The following PHACTR2 variants were observed in gnomAD, a reference collection of about 807,000 sequenced individuals.
PHACTR2 encodes the protein phosphatase and actin regulator 2.
PHACTR2 carries 30 observed loss-of-function variants against 76.0 expected under a neutral mutation model. The observed-to-expected ratio is 0.39, with a 90% CI of 0.30 to 0.54. The LOEUF (loss-of-function observed/expected upper bound fraction) is 0.54. Among genes scored for constraint, PHACTR2 ranks in the 20% least tolerant of loss-of-function variants. The pLI, the probability that PHACTR2 is intolerant of heterozygous loss-of-function variation, is 0.61. For synonymous variants in PHACTR2, 292 were observed against 292.5 expected, an observed-to-expected ratio of 1.00 and a Z score of 0.02; for missense variants, 696 against 781.1, an observed-to-expected ratio of 0.89 and a Z score of 1.30.
At position 143,777,343 on chromosome 6, in the gene PHACTR2, G is replaced by A. The variant is rs1025343169; in HGVS notation, c.1605G>A (p.Arg535=). Residue 535 remains arginine (R), a synonymous_variant, in exon 9 of 13, where the codon AGG becomes AGA. Coordinates refer to ENST00000440869, the MANE Select transcript of PHACTR2 (RefSeq NM_001100164.2). This position sits in a 1 kb window ranked among gnomAD's most constrained non-coding sequence, Gnocchi z 4.6. The part of the protein sequence containing the change: ...GTKLVRRLSQ[R]PTTEELEQRN... ...GTCATCATAGGAGGCTGAGCCAGAG[G>A]CCCACAACTGAAGAATTAGAGCAAA... The A allele has an allele frequency of 1.9e-6, 3 of 1,600,226 alleles. No homozygotes were observed. Among genetic ancestry groups the A allele is most frequent in the Admixed American group, 3.4e-5 (2 of 59,512 alleles).
chr6:143,603,145 CAAA>C (rs751947717), intron 1 of PHACTR2, among the ~76,000 whole-genome samples: 9 of 78,816 alleles, frequency 1.1e-4, no homozygotes, highest in African/African-American at 1.5e-4. Flanking sequence ...GACTCTGTCT[CAAA>C]AAAAAAAAAA....
intron 2 of PHACTR2, among the ~76,000 whole-genome samples, chr6:143,741,177 G>A (rs112630313): frequency 7.3e-6 from 1 of 137,210 alleles, no homozygotes; most frequent in Non-Finnish European, 1.6e-5. Context: ...AGGAGTTCAA[G>A]ACCAGCCTGG....
intron 1 of PHACTR2, among the ~76,000 whole-genome samples, chr6:143,545,927 G>A (rs749752897): frequency 1.1e-4 from 17 of 152,152 alleles, no homozygotes; most frequent in Non-Finnish European, 1.9e-4. Context: ...ACTCGTGATG[G>A]AGTGTTCTGC....
At chr6:143,766,331 T>A (rs1278641960) in intron 6 of PHACTR2, among the ~76,000 whole-genome samples, 1 of 152,242 alleles carries the variant, frequency 6.6e-6, no homozygotes, top group African/African-American at 2.4e-5. Context: ...AATTGGTTAT[T>A]GTGTCTACTA....
rs985168929 is a variant in PHACTR2 at position 143,608,758 on chromosome 6, G to A, written c.13+436G>A. Among the ~76,000 whole-genome samples the A allele has an allele frequency of 5.9e-5, 9 of 152,204 alleles. No individual in the cohort carries two copies. The highest frequency in any genetic ancestry group is 1.9e-4 in the African/African-American group (8 of 41,444). The stretch of plus-strand genomic sequence containing the variant: ...CAGCATAAGAGCTCTTTGGTCTGAT[G>A]CTTTCATCTTCACGTTAGGATGCAA... On this transcript the variant is annotated intron_variant, in intron 1 of 11. Coordinates refer to the PHACTR2 transcript ENST00000305766. The surrounding 1 kb of genome is among the most constrained non-coding windows in gnomAD (Gnocchi z 4.6).
At position 143,596,121 on chromosome 6, in the gene PHACTR2, A is replaced by G. The variant is rs1308888047; in HGVS notation, c.217+58914A>G. On this transcript the variant is annotated intron_variant, in intron 1 of 11. Coordinates refer to the PHACTR2 transcript ENST00000367584. The surrounding 1 kb of genome is among the most constrained non-coding windows in gnomAD (Gnocchi z 4.6). ...CTTATTAAGTAATTTAACTATCTCA[A>G]ATGAATTACAGATATTTTATAGCAC... Among the ~76,000 whole-genome samples, 1 of 152,246 alleles carries G rather than the reference A, an allele frequency of 6.6e-6. No individual in the cohort carries two copies. Among genetic ancestry groups the G allele is most frequent in the Non-Finnish European group, 1.5e-5 (1 of 68,046 alleles).
Position 143,738,076 on chromosome 6 carries a change from A to G in PHACTR2, c.215-10909A>G, listed in dbSNP as rs879612245. 2.6e-5 allele frequency among the ~76,000 whole-genome samples: 4 copies of G among 152,202 alleles called. No individual in the cohort carries two copies. Among genetic ancestry groups the G allele is most frequent in the African/African-American group, 4.8e-5 (2 of 41,454 alleles). ...CTGAGTTGGTGTTGTTTTAATATGT[A>G]TTGTTCATGGCTCAACTCAATAAAA... On this transcript the variant is annotated intron_variant, in intron 2 of 12. Coordinates refer to ENST00000440869, the MANE Select transcript of PHACTR2 (RefSeq NM_001100164.2). The surrounding 1 kb of genome is among the most constrained non-coding windows in gnomAD (Gnocchi z 4.0).
At position 143,557,671 on chromosome 6, in the gene PHACTR2, G is replaced by A. The variant is rs1205360830; in HGVS notation, c.217+20464G>A. 6.6e-6 allele frequency: 1 copy of A among 152,190 alleles called. No homozygotes were observed. Among genetic ancestry groups the A allele is most frequent in the East Asian group, 1.9e-4 (1 of 5,196 alleles). The allele number at this position is 152,190 out of a possible 1,614,324, so 9.4% of individuals were successfully genotyped here. A position where few individuals can be genotyped will look rare whatever the true frequency, so the allele number is the denominator to read the frequency against. On this transcript the variant is annotated intron_variant, in intron 1 of 11. Coordinates refer to the PHACTR2 transcript ENST00000367584. This position sits in a 1 kb window ranked among gnomAD's most constrained non-coding sequence, Gnocchi z 5.5. Reference sequence around the variant, plus strand: ...CCTTGGCTGACTTCTTTCTCCGTAAGGTCTTGTCGCGAGTCCTAGAGGCAA... The same window carrying A: ...CCTTGGCTGACTTCTTTCTCCGTAAAGTCTTGTCGCGAGTCCTAGAGGCAA...
chr6:143,819,938 C>A lies in PHACTR2; in HGVS notation c.1923-3736C>A, dbSNP rs1031438860. Among the ~76,000 whole-genome samples, 10 of 152,166 alleles carry A rather than the reference C, an allele frequency of 6.6e-5. No homozygotes were observed. Among genetic ancestry groups the A allele is most frequent in the Admixed American group, 1.3e-4 (2 of 15,270 alleles). On this transcript the variant is annotated intron_variant, in intron 12 of 12. Coordinates refer to ENST00000440869, the MANE Select transcript of PHACTR2 (RefSeq NM_001100164.2). The surrounding 1 kb of genome is among the most constrained non-coding windows in gnomAD (Gnocchi z 5.0). ...TCTGCAGGCTGTACAGGAAGCATAG[C>A]AGCATCTGCTTCTGGGGAGGCCTCA...
At position 143,695,881 on chromosome 6, in the gene PHACTR2, C is replaced by T. The variant is rs181150934; in HGVS notation, c.47-16135C>T. ...AGCAGCCGTAGCAACACATCTTATACGGTGCAGGATTTTTAAAAACCAAAA... is the reference window on the plus strand; with the variant it reads ...AGCAGCCGTAGCAACACATCTTATATGGTGCAGGATTTTTAAAAACCAAAA... On this transcript the variant is annotated intron_variant, in intron 1 of 12. Transcript: ENST00000440869. The surrounding 1 kb of genome is among the most constrained non-coding windows in gnomAD (Gnocchi z 4.4). Among the ~76,000 whole-genome samples, 28 of 152,294 alleles carry T rather than the reference C, an allele frequency of 1.8e-4. No homozygotes were observed. In the East Asian group the frequency reaches 2.1e-3, roughly 12 times the overall value.
rs983224409 is a variant in PHACTR2, at chr6:143,742,115, A to C, written c.215-6870A>C. On this transcript the variant is annotated intron_variant, in intron 2 of 12. Transcript: ENST00000440869. This position sits in a 1 kb window ranked among gnomAD's most constrained non-coding sequence, Gnocchi z 4.5. ...AGTGAAACTCCATCTCAAAAAAAAA[A>C]AACAACAACATTTATTTGATACTTT... 1.6e-4 allele frequency among the ~76,000 whole-genome samples: 25 copies of C among 152,228 alleles called. No homozygotes were observed. The highest frequency in any genetic ancestry group is 2.6e-4 in the Admixed American group (4 of 15,296).
upstream of PHACTR2, among the ~76,000 whole-genome samples, chr6:143,607,710 T>C (rs975149807): frequency 3.9e-5 from 6 of 152,152 alleles, no homozygotes; most frequent in African/African-American, 1.4e-4. Context: ...ATATTAAAGA[T>C]AGTCTTTATT....
intron 1 of PHACTR2, among the ~76,000 whole-genome samples, chr6:143,649,763 A>G (rs1776724191): frequency 6.6e-6 from 1 of 152,220 alleles, no homozygotes; most frequent in Non-Finnish European, 1.5e-5. Flanking sequence ...AGCTGGAAGC[A>G]TTCACCTGAA....
In PHACTR2 at chr6:143,625,859, A is replaced by T. The variant is rs1562251801; in HGVS notation, c.13+17537A>T. On this transcript the variant is annotated intron_variant, in intron 1 of 11. Transcript: ENST00000305766. The surrounding 1 kb of genome is among the most constrained non-coding windows in gnomAD (Gnocchi z 4.3). ...AGTAAATGTATGATAAAATGCCAGG[A>T]AGTGGTAAGAACCATGAAGAAAGGT... is the stretch of plus-strand genomic sequence containing the variant. Among the ~76,000 whole-genome samples the T allele has an allele frequency of 2.0e-5, 3 of 152,204 alleles. No individual in the cohort carries two copies. Among genetic ancestry groups the T allele is most frequent in the African/African-American group, 7.2e-5 (3 of 41,444 alleles).
intron 1 of PHACTR2, among the ~76,000 whole-genome samples, chr6:143,568,526 C>T (rs952503353): frequency 6.6e-6 from 1 of 152,186 alleles, no homozygotes. Context: ...GCTGCTGGCT[C>T]AGGGTAGGGG....
intron 1 of PHACTR2, among the ~76,000 whole-genome samples, chr6:143,682,776 G>T (rs7738631): frequency 0.011 from 1,376 of 130,016 alleles, 25 homozygotes; most frequent in African/African-American, 0.039. Flanking sequence ...TTGTTTTTTT[G>T]TTTTTTGTTT....
At chr6:143,682,849 CA>C (rs1480758104) in intron 1 of PHACTR2, among the ~76,000 whole-genome samples, 1 of 151,664 alleles carries the variant, frequency 6.6e-6, no homozygotes, top group Non-Finnish European at 1.5e-5. Flanking sequence ...TTCACTTTGT[CA>C]AAAAGTTCTC....
chr6:143,774,785 CCTCTTCCAACTTCAAGTAAATGGATCAT>C lies in PHACTR2; in HGVS notation c.1589+573_1589+600del, dbSNP rs1775235581. Among the ~76,000 whole-genome samples, 1 of 152,170 alleles carries C rather than the reference CCTCTTCCAACTTCAAGTAAATGGATCAT, an allele frequency of 6.6e-6. No individual in the cohort carries two copies. Among genetic ancestry groups the C allele is most frequent in the South Asian group, 2.1e-4 (1 of 4,832 alleles). ...GCCTTAACCCTCATATCTGAACATCCCTCTTCCAACTTCAAGTAAATGGATCATCTGACATCTCTTCCTGCCTCCAACC... is the reference window on the plus strand; with the variant it reads ...GCCTTAACCCTCATATCTGAACATCCCTGACATCTCTTCCTGCCTCCAACC... On this transcript the variant is annotated intron_variant, in intron 8 of 12. Coordinates refer to ENST00000440869, the MANE Select transcript of PHACTR2 (RefSeq NM_001100164.2). The surrounding 1 kb of genome is among the most constrained non-coding windows in gnomAD (Gnocchi z 5.4).
rs1408773505 is a variant in PHACTR2 at position 143,616,817 on chromosome 6, G to C, written c.13+8495G>C. On this transcript the variant is annotated intron_variant, in intron 1 of 11. Transcript: ENST00000305766. The surrounding 1 kb of genome is among the most constrained non-coding windows in gnomAD (Gnocchi z 4.9). ...AAGCTTCCTAAGGAGGTGGCATGCA[G>C]GCTGAGGCCTAAGGAATGAAAAGGA... is the stretch of plus-strand genomic sequence containing the variant. Among the ~76,000 whole-genome samples the C allele has an allele frequency of 6.6e-6, 1 of 152,176 alleles. No homozygotes were observed. The highest frequency in any genetic ancestry group is 2.4e-5 in the African/African-American group (1 of 41,432).
Sources: gnomAD v4.1 joint callset for allele counts (sites outside exome capture counted in the v4.1 genomes callset) on GRCh38, gnomAD v4.1.1 for gene constraint, Gnocchi (gnomAD v3.1) non-coding constraint, MANE v1.5 for transcripts, NCBI Gene and HGNC (gene_info 2026-07-23, HGNC 2026-07-21) for gene names.